MGAT4C: variants seen among roughly 807,000 people sequenced by gnomAD.
The protein encoded by MGAT4C is MGAT4 family member C, also known as alpha-1,3-mannosyl-glycoprotein 4-beta-N-acetylglucosaminyltransferase C.
Under a neutral mutation model 40.1 loss-of-function variants are expected in MGAT4C, and 19 were observed. That is an observed-to-expected ratio of 0.47 (90% CI 0.33 to 0.70). MGAT4C has a LOEUF of 0.70. MGAT4C is among the 30% of genes least tolerant of loss of function. MGAT4C has a pLI of 0.02. For synonymous variants in MGAT4C, 181 were observed against 187.1 expected (o/e 0.97, Z 0.27); for missense variants, 491 against 563.2 (o/e 0.87, Z 1.30).
rs115763682 is a variant in MGAT4C, at chr12:86,475,501, T to C, written c.-228-40236A>G. Among the ~76,000 whole-genome samples the C allele has an allele frequency of 1.8e-3, 267 of 152,112 alleles. 2 individuals are homozygous for C. Among genetic ancestry groups the C allele is most frequent in the African/African-American group, 6.1e-3 (253 of 41,564 alleles). ...TGGAATAACTGCATAATTTCAAATA[T>C]AATAAATTGTTAGTCATCAATTTGA... On this transcript the variant is annotated intron_variant, in intron 2 of 7. Transcript: ENST00000548651.
At chr12:86,168,313 G>A (rs1276343427) in intron 1 of MGAT4C, among the ~76,000 whole-genome samples, 2 of 152,204 alleles carry the variant, frequency 1.3e-5, no homozygotes, top group African/African-American at 4.8e-5. Context: ...ATTACTTCTT[G>A]AGAAATTATC....
rs1021655600 is a variant in MGAT4C, at chr12:86,803,209, C to T, written c.-262+35457G>A. Among the ~76,000 whole-genome samples the T allele has an allele frequency of 5.5e-3, 830 of 150,432 alleles. 4 individuals carry two copies. Among genetic ancestry groups the T allele is most frequent in the Non-Finnish European group, 8.8e-3 (590 of 67,136 alleles). On this transcript the variant is annotated intron_variant, in intron 1 of 7. Transcript: ENST00000548651. Reference sequence around the variant, plus strand: ...AATGGTGCTGAGAAAACTGGCTAGCCATATGTAGAAAGCTGAAACTGGATC... The same window carrying T: ...AATGGTGCTGAGAAAACTGGCTAGCTATATGTAGAAAGCTGAAACTGGATC...
chr12:86,731,658 C>A (rs1056182385), intron 1 of MGAT4C, among the ~76,000 whole-genome samples: 4 of 151,728 alleles, frequency 2.6e-5, no homozygotes, highest in African/African-American at 9.7e-5. Context: ...TGTGATTTTT[C>A]TTTAGTATAA....
intron 3 of MGAT4C, among the ~76,000 whole-genome samples, chr12:86,361,557 G>A (rs982845531): frequency 2.0e-5 from 3 of 152,158 alleles, no homozygotes; most frequent in African/African-American, 2.4e-5. Flanking sequence ...GCAACCTACA[G>A]AATGGGAGAA....
rs1882851741 is a variant in MGAT4C at position 85,957,406 on chromosome 12, T to G, written c.*21883A>C. ...TGGGCCAGAGATATGCATACAGAAATTGTCCCTCTAGCCTTCCTTTCATGA... is the reference window on the plus strand; with the variant it reads ...TGGGCCAGAGATATGCATACAGAAAGTGTCCCTCTAGCCTTCCTTTCATGA... On this transcript the variant is annotated 3_prime_UTR_variant, in exon 5 of 5. Coordinates refer to ENST00000611864, the MANE Select transcript of MGAT4C (RefSeq NM_001351288.2). The G allele has an allele frequency of 6.6e-6, 1 of 152,122 alleles. No individual in the cohort carries two copies. The highest frequency in any genetic ancestry group is 1.5e-5 in the Non-Finnish European group (1 of 68,026). The allele number at this position is 152,122 out of a possible 1,614,324, so 9.4% of individuals were successfully genotyped here.
At chr12:86,216,420 G>A (rs1261919214) in intron 1 of MGAT4C, among the ~76,000 whole-genome samples, 3 of 152,326 alleles carry the variant, frequency 2.0e-5, no homozygotes, top group South Asian at 2.1e-4. Flanking sequence ...TTCAAACGAT[G>A]TAGCCATCTG....
chr12:85,992,570 A>G (rs1176046241), intron 2 of MGAT4C, among the ~76,000 whole-genome samples: 2 of 152,254 alleles, frequency 1.3e-5, no homozygotes, highest in African/African-American at 4.8e-5. Context: ...AACTAGAGAT[A>G]TTACTGGGAA....
chr12:86,816,078 C>T (rs1350632412), intron 1 of MGAT4C, among the ~76,000 whole-genome samples: 1 of 151,632 alleles, frequency 6.6e-6, no homozygotes, highest in African/African-American at 2.4e-5. Context: ...TGACCATGTC[C>T]CCCAATAAGA....
intron 3 of MGAT4C, among the ~76,000 whole-genome samples, chr12:86,384,061 C>A (rs1180666625): frequency 1.3e-5 from 2 of 152,076 alleles, no homozygotes; most frequent in South Asian, 2.1e-4. Context: ...CAGAAGTCTC[C>A]CTCACAAGCT....
chr12:86,555,534 T>C (rs1040570764), intron 2 of MGAT4C, among the ~76,000 whole-genome samples: 1 of 152,118 alleles, frequency 6.6e-6, no homozygotes, highest in Non-Finnish European at 1.5e-5. Flanking sequence ...TGACGCACCA[T>C]AATCTAAGCC....
chr12:86,703,499 C>G (rs1018815795), intron 2 of MGAT4C, among the ~76,000 whole-genome samples: 1 of 152,132 alleles, frequency 6.6e-6, no homozygotes, highest in African/African-American at 2.4e-5. Flanking sequence ...TGAGGCAAGA[C>G]CTTCCACCAA....
At chr12:86,625,601 A>G (rs1962779146) in intron 2 of MGAT4C, among the ~76,000 whole-genome samples, 1 of 152,098 alleles carries the variant, frequency 6.6e-6, no homozygotes, top group Non-Finnish European at 1.5e-5. Context: ...GAGAATGAAC[A>G]CATCCTCAGA....
chr12:86,210,066 C>G (rs1239875364), intron 1 of MGAT4C, among the ~76,000 whole-genome samples: 2 of 152,262 alleles, frequency 1.3e-5, no homozygotes, highest in South Asian at 4.1e-4. Flanking sequence ...TTTCTTGAAA[C>G]CACTTTTGCT....
intron 1 of MGAT4C, among the ~76,000 whole-genome samples, chr12:86,835,589 C>T (rs562166841): frequency 2.6e-5 from 4 of 151,998 alleles, no homozygotes; most frequent in East Asian, 1.9e-4. Flanking sequence ...TTTCCATATC[C>T]TTTGGGAAAA....
intron 1 of MGAT4C, among the ~76,000 whole-genome samples, chr12:86,801,946 A>T (rs1325648965): frequency 6.6e-6 from 1 of 151,892 alleles, no homozygotes; most frequent in Non-Finnish European, 1.5e-5. Flanking sequence ...TGTAAATATC[A>T]AACTGGCCCA....
intron 1 of MGAT4C, among the ~76,000 whole-genome samples, chr12:86,766,751 C>T (rs1951517197): frequency 6.6e-6 from 1 of 152,038 alleles, no homozygotes; most frequent in Non-Finnish European, 1.5e-5. Context: ...AACTGAACAA[C>T]CTGCTCCTGA....
rs893309274 is a variant in MGAT4C, at chr12:85,976,835, T to C, written c.*2454A>G. 1 of 150,876 alleles carries C rather than the reference T, an allele frequency of 6.6e-6. No individual in the cohort carries two copies. The highest frequency in any genetic ancestry group is 1.5e-5 in the Non-Finnish European group (1 of 67,196). 9.3% of individuals were successfully genotyped at this position (150,876 alleles called of 1,614,324 possible). A position where few individuals can be genotyped will look rare whatever the true frequency, so the allele number is the denominator to read the frequency against. Reference sequence around the variant, plus strand: ...GACCCTTATTCAAAGTTTCTAAATATAGGAAATAGAACATTGGGCCATGCT... The same window carrying C: ...GACCCTTATTCAAAGTTTCTAAATACAGGAAATAGAACATTGGGCCATGCT... On this transcript the variant is annotated 3_prime_UTR_variant, in exon 5 of 5. Coordinates refer to ENST00000611864, the MANE Select transcript of MGAT4C (RefSeq NM_001351288.2).
At chr12:86,163,686 T>C (rs961736503) in intron 1 of MGAT4C, among the ~76,000 whole-genome samples, 2 of 152,128 alleles carry the variant, frequency 1.3e-5, no homozygotes, top group Non-Finnish European at 2.9e-5. Flanking sequence ...GAATGCTTAA[T>C]AAAAAATACA....
At chr12:86,506,383 A>G (rs982177298) in intron 2 of MGAT4C, among the ~76,000 whole-genome samples, 6 of 152,194 alleles carry the variant, frequency 3.9e-5, no homozygotes, top group Admixed American at 6.5e-5. Flanking sequence ...AATCAAAGAA[A>G]ACCAGAAATT....
Sources: allele counts gnomAD v4.1 joint callset (sites outside exome capture counted in the v4.1 genomes callset), GRCh38; gene constraint gnomAD v4.1.1; transcripts MANE v1.5; gene names NCBI Gene and HGNC (gene_info 2026-07-23, HGNC 2026-07-21).